Variants in SCMH1 observed in about 807,000 individuals in gnomAD.
SCMH1 encodes the protein Scm polycomb group protein homolog 1.
A neutral mutation model predicts 70.8 loss-of-function variants in SCMH1; 37 were observed. The observed-to-expected ratio is 0.52, with a 90% CI of 0.40 to 0.69. The LOEUF (loss-of-function observed/expected upper bound fraction) is 0.69, where lower values mean the gene tolerates loss of function less well. Ranked by LOEUF, SCMH1 falls within the 30% of genes least tolerant of loss-of-function variation. The probability of loss-of-function intolerance (pLI) is 0.00; values close to 1 mark genes in which losing one functional copy is unlikely to be tolerated. For missense variants in SCMH1, 607 were observed against 827.3 expected (o/e 0.73, Z 3.27); for synonymous variants, 292 against 307.4 (o/e 0.95, Z 0.52).
At chr1:41,204,621 T>C (rs1655085118) in intron 1 of SCMH1, among the ~76,000 whole-genome samples, 1 of 152,202 alleles carries the variant, frequency 6.6e-6, no homozygotes, top group Non-Finnish European at 1.5e-5. Flanking sequence ...CATGTCTGGC[T>C]TTTCATCATT....
chr1:41,230,944 T>C (rs573371461), intron 1 of SCMH1, among the ~76,000 whole-genome samples: 1 of 152,214 alleles, frequency 6.6e-6, no homozygotes, highest in East Asian at 1.9e-4. Flanking sequence ...CAGAGTAGAT[T>C]ATTATTGCTT....
chr1:41,053,506 G>A (rs908430205), intron 10 of SCMH1, among the ~76,000 whole-genome samples: 4 of 152,176 alleles, frequency 2.6e-5, no homozygotes, highest in African/African-American at 9.6e-5. Flanking sequence ...CAGCCAGAAC[G>A]AGCTGGTTGG....
At chr1:41,200,684 T>G (rs1654152653) in intron 1 of SCMH1, among the ~76,000 whole-genome samples, 2 of 151,922 alleles carry the variant, frequency 1.3e-5, no homozygotes, top group Non-Finnish European at 2.9e-5. Flanking sequence ...TTAAAATAAT[T>G]TCCAACTAAA....
intron 6 of SCMH1, among the ~76,000 whole-genome samples, chr1:41,117,809 G>A (rs931519326): frequency 2.0e-5 from 3 of 152,156 alleles, no homozygotes; most frequent in African/African-American, 7.2e-5. Context: ...AGGGCCCCCT[G>A]TCCAGTGGAC....
intron 1 of SCMH1, among the ~76,000 whole-genome samples, chr1:41,205,795 C>A (rs963671780): frequency 6.6e-6 from 1 of 152,194 alleles, no homozygotes; most frequent in Non-Finnish European, 1.5e-5. Flanking sequence ...CTCATACAGG[C>A]AGGGGCCCCT....
chr1:41,092,368 T>G (rs981564963), intron 8 of SCMH1, among the ~76,000 whole-genome samples: 31 of 152,282 alleles, frequency 2.0e-4, no homozygotes, highest in Non-Finnish European at 4.3e-4. Flanking sequence ...ATACAAAAAT[T>G]AATTCAAGAT....
chr1:41,238,158 T>C (rs1006743935), intron 1 of SCMH1, among the ~76,000 whole-genome samples: 1 of 152,228 alleles, frequency 6.6e-6, no homozygotes, highest in African/African-American at 2.4e-5. Flanking sequence ...CTCCAAAGCC[T>C]AGGCTCTTTC....
intron 4 of SCMH1, among the ~76,000 whole-genome samples, chr1:41,160,452 T>C (rs1645917768): frequency 6.6e-6 from 1 of 152,206 alleles, no homozygotes; most frequent in East Asian, 1.9e-4. Context: ...TATTTGTCAA[T>C]AAAGTTAGAA....
intron 8 of SCMH1, among the ~76,000 whole-genome samples, chr1:41,101,794 A>C (rs907753633): frequency 4.6e-5 from 7 of 152,208 alleles, no homozygotes; most frequent in Non-Finnish European, 1.0e-4. Flanking sequence ...ATACTTGGAT[A>C]TTTTAAAAAT....
At chr1:41,176,619 G>A (rs1188626204) in intron 2 of SCMH1, among the ~76,000 whole-genome samples, 5 of 152,230 alleles carry the variant, frequency 3.3e-5, no homozygotes, top group African/African-American at 9.6e-5. Context: ...CGCCTGGCTC[G>A]GAGGGTCCTA....
intron 6 of SCMH1, among the ~76,000 whole-genome samples, chr1:41,117,561 CG>C (rs1557517765): frequency 3.9e-5 from 6 of 151,926 alleles, no homozygotes; most frequent in East Asian, 2.0e-4. Flanking sequence ...GAGGGCCTGA[CG>C]TCAGTCAGGC....
At chr1:41,032,911 G>A (rs943702517) in intron 13 of SCMH1, among the ~76,000 whole-genome samples, 4 of 151,544 alleles carry the variant, frequency 2.6e-5, no homozygotes, top group Non-Finnish European at 1.5e-5. Flanking sequence ...CCCAAGAGGC[G>A]GAGGTTGCAG....
chr1:41,083,230 T>C (rs898583279), intron 8 of SCMH1, among the ~76,000 whole-genome samples: 1 of 152,126 alleles, frequency 6.6e-6, no homozygotes, highest in Non-Finnish European at 1.5e-5. Flanking sequence ...AAAACCCCAT[T>C]GTCTCAGCCC....
At chr1:41,117,509 C>T (rs1048728331) in intron 6 of SCMH1, among the ~76,000 whole-genome samples, 1 of 151,202 alleles carries the variant, frequency 6.6e-6, no homozygotes, top group African/African-American at 2.4e-5. Flanking sequence ...CACCCTTTCC[C>T]CGGGGAAGTT....
Position 41,233,425 on chromosome 1 carries a change from CAT to C in SCMH1, c.-118+8632_-118+8633del, listed in dbSNP as rs564187995. 1.1e-3 allele frequency among the ~76,000 whole-genome samples: 171 copies of C among 152,242 alleles called. No individual in the cohort carries two copies. In the Middle Eastern group the frequency reaches 0.014, roughly 12 times the overall value. ...AATAAACAAAATTGTCACTATCAAT[CAT>C]AGTTACCTAAGAGTAACTATGACTA... On this transcript the variant is annotated intron_variant, in intron 1 of 14. Coordinates refer to ENST00000337495, the Ensembl canonical transcript of SCMH1.
chr1:41,240,917 A>G (rs987513095), intron 1 of SCMH1, among the ~76,000 whole-genome samples: 5 of 152,152 alleles, frequency 3.3e-5, no homozygotes, highest in Non-Finnish European at 5.9e-5. Context: ...GGGGGAAACT[A>G]AAGCTCATCC....
At chr1:41,097,431 T>A (rs1414551756) in intron 8 of SCMH1, among the ~76,000 whole-genome samples, 2 of 152,316 alleles carry the variant, frequency 1.3e-5, no homozygotes, top group East Asian at 3.9e-4. Context: ...AAAAAGAATG[T>A]CTTTTCCAGA....
At chr1:41,088,029 T>TAC (rs1176747609) in intron 8 of SCMH1, among the ~76,000 whole-genome samples, 2 of 151,108 alleles carry the variant, frequency 1.3e-5, no homozygotes, top group African/African-American at 2.4e-5. Flanking sequence ...ATTGATTGTA[T>TAC]ACACACACAC....
intron 4 of SCMH1, among the ~76,000 whole-genome samples, chr1:41,156,096 A>G (rs1645516152): frequency 6.6e-6 from 1 of 151,950 alleles, no homozygotes; most frequent in Non-Finnish European, 1.5e-5. Flanking sequence ...ATTACTCAAC[A>G]GTACAAATGG....
Sources: allele counts gnomAD v4.1 joint callset (sites outside exome capture counted in the v4.1 genomes callset), GRCh38; gene constraint gnomAD v4.1.1; transcripts MANE v1.5; gene names NCBI Gene and HGNC (gene_info 2026-07-23, HGNC 2026-07-21).